Variants in ZSWIM8 observed in about 807,000 individuals in gnomAD.
ZSWIM8 encodes the protein zinc finger SWIM domain-containing protein 8.
Under a neutral mutation model 173.7 loss-of-function variants are expected in ZSWIM8, and 27 were observed. That is an observed-to-expected ratio of 0.16 (90% confidence interval 0.11 to 0.21). ZSWIM8 has a LOEUF of 0.21. ZSWIM8 is among the 10% of genes least tolerant of loss of function. The probability of loss-of-function intolerance (pLI) is 1.00; values close to 1 mark genes in which losing one functional copy is unlikely to be tolerated. For synonymous variants in ZSWIM8, 958 were observed against 962.0 expected, an observed-to-expected ratio of 1.00 and a Z score of 0.08; for missense variants, 1,627 against 2,428.8, an observed-to-expected ratio of 0.67 and a Z score of 6.94.
intron 15 of ZSWIM8, among the ~76,000 whole-genome samples, 184 bp downstream of exon 15, chr10:73,795,847 C>T (rs1370722858): frequency 6.6e-6 from 1 of 151,670 alleles, no homozygotes; most frequent in Admixed American, 6.6e-5. Context: ...CCTGTAGTCC[C>T]AGCTACTCGG....
intron 15 of ZSWIM8, chr10:73,796,190 A>T (rs2083645262): frequency 5.1e-6 from 1 of 197,742 alleles, no homozygotes; most frequent in Non-Finnish European, 1.1e-5. Flanking sequence ...CTCTACAAAA[A>T]ATTAGAAAAT....
rs2083422595 is a variant in ZSWIM8, at chr10:73,791,771, C to A, written c.1320-88C>A. ...AAGAAGTACTTTCCTGTATCCTTTC[C>A]CCATGCCTCTCTTTGGGGTGTACAC... On this transcript the variant is annotated intron_variant, in intron 9 of 25. Transcript: ENST00000604729. The surrounding 1 kb of genome is among the most constrained non-coding windows in gnomAD (Gnocchi z 6.0). The A allele has an allele frequency of 7.0e-7, 1 of 1,431,192 alleles. No individual in the cohort carries two copies. The highest frequency in any genetic ancestry group is 9.2e-7 in the Non-Finnish European group (1 of 1,083,338). 88.7% of individuals were successfully genotyped at this position (1,431,192 alleles called of 1,614,324 possible).
chr10:73,799,498 C>A lies in ZSWIM8; in HGVS notation c.4665+8C>A. 1 of 1,595,028 alleles carries A rather than the reference C, an allele frequency of 6.3e-7. No individual in the cohort carries two copies. Among genetic ancestry groups the A allele is most frequent in the Non-Finnish European group, 8.5e-7 (1 of 1,170,044 alleles). ...AGCTCTGCATACCCACAGGTGAGAC[C>A]AGTGTTCTGCTGGGGGGTAAGGCAT... On this transcript the variant is annotated splice_region_variant and intron_variant, in intron 21 of 25. Coordinates refer to ENST00000604729, the MANE Select transcript of ZSWIM8 (RefSeq NM_001367799.1).
In ZSWIM8 at chr10:73,800,803, C is replaced by A; in HGVS notation, c.5122+44C>A. Reference sequence around the variant, plus strand: ...AGGACCATTGCCCCCCCCCCACCTGCTCTCCCCACCTTCCTTATCCCAGAC... The same window carrying A: ...AGGACCATTGCCCCCCCCCCACCTGATCTCCCCACCTTCCTTATCCCAGAC... On this transcript the variant is annotated intron_variant, in intron 24 of 25. Transcript: ENST00000604729. The surrounding 1 kb of genome is among the most constrained non-coding windows in gnomAD (Gnocchi z 4.1). 1 of 1,353,412 alleles carries A rather than the reference C, an allele frequency of 7.4e-7. No individual in the cohort carries two copies. Among genetic ancestry groups the A allele is most frequent in the Non-Finnish European group, 1.0e-6 (1 of 973,460 alleles). The allele number at this position is 1,353,412 out of a possible 1,614,324, so 83.8% of individuals were successfully genotyped here. A position where few individuals can be genotyped will look rare whatever the true frequency, so the allele number is the denominator to read the frequency against.
rs370894359 is a variant in ZSWIM8, at chr10:73,800,485, C to T, written c.5002+13C>T. On this transcript the variant is annotated intron_variant, in intron 23 of 25. Transcript: ENST00000604729. The surrounding 1 kb of genome is among the most constrained non-coding windows in gnomAD (Gnocchi z 4.1). Reference sequence around the variant, plus strand: ...GCCTACCGTGTCGGTGAGAGGACATCCCTTTCTGTGCTCCTACCTGCAGTT... The same window carrying T: ...GCCTACCGTGTCGGTGAGAGGACATTCCTTTCTGTGCTCCTACCTGCAGTT... The T allele has an allele frequency of 6.2e-7, 1 of 1,613,028 alleles. No homozygotes were observed. Among genetic ancestry groups the T allele is most frequent in the South Asian group, 1.1e-5 (1 of 90,958 alleles).
Position 73,792,561 on chromosome 10 carries a change from C to T in ZSWIM8, c.2022C>T (p.Tyr674=). 1 of 1,613,990 alleles carries T rather than the reference C, an allele frequency of 6.2e-7. No homozygotes were observed. The highest frequency in any genetic ancestry group is 8.5e-7 in the Non-Finnish European group (1 of 1,179,886). Residue 674 remains tyrosine, a synonymous_variant, in exon 10 of 26, where the codon TAC becomes TAT. Coordinates refer to ENST00000604729, the MANE Select transcript of ZSWIM8 (RefSeq NM_001367799.1). This position sits in a 1 kb window ranked among gnomAD's most constrained non-coding sequence, Gnocchi z 4.3. ...PDTYEEDGGV[Y]FSEGPEPPTA... is the part of the protein sequence containing the mutation. ...CTTATGAAGAAGATGGTGGTGTGTA[C>T]TTCTCGGAAGGGCCTGAGCCTCCCA...
Position 73,792,489 on chromosome 10 carries a change from C to A in ZSWIM8, c.1950C>A (p.His650Gln), listed in dbSNP as rs370371569. 1.2e-6 allele frequency: 2 copies of A among 1,612,656 alleles called. No homozygotes were observed. Among genetic ancestry groups the A allele is most frequent in the Admixed American group, 1.7e-5 (1 of 59,780 alleles). The change falls in exon 10 of 26, where the codon CAC becomes CAA. Residue 650 changes from histidine (H) to glutamine (Q), a missense_variant. Physicochemically the swap from His to Gln is conservative, Grantham distance 24. Transcript: ENST00000604729. The surrounding 1 kb of genome is among the most constrained non-coding windows in gnomAD (Gnocchi z 4.3). ...FPESPPPCPL[H>Q]GGSRGPSTFL... The stretch of plus-strand genomic sequence containing the variant: ...AGAGCCCTCCACCCTGTCCTCTCCA[C>A]GGTGGCTCCCGAGGCCCTTCCACTT...
chr10:73,791,718 G>A lies in ZSWIM8; in HGVS notation c.1320-141G>A, dbSNP rs1217352996. The A allele has an allele frequency of 3.9e-6, 5 of 1,289,974 alleles. No homozygotes were observed. In the East Asian group the frequency reaches 1.3e-4, roughly 34 times the overall value. The allele number at this position is 1,289,974 out of a possible 1,614,324, so 79.9% of individuals were successfully genotyped here. ...CACCCACTTTTCAAAATTCTCCAGT[G>A]TTTCAGTGATGCTTATGGGGCTGGG... On this transcript the variant is annotated intron_variant, in intron 9 of 25. Coordinates refer to ENST00000604729, the MANE Select transcript of ZSWIM8 (RefSeq NM_001367799.1). The surrounding 1 kb of genome is among the most constrained non-coding windows in gnomAD (Gnocchi z 6.0).
rs149927357 is a variant in ZSWIM8, at chr10:73,789,539, C to T, written c.630C>T (p.Asn210=). The T allele has an allele frequency of 2.1e-4, 346 of 1,611,764 alleles. 1 individual carries two copies. In the Middle Eastern group the frequency reaches 4.2e-3, roughly 19 times the overall value. ...CACTCTGTCTCTTCCGCATCCACAA[C>T]GTGAGGCCCTCCCAATTTATCCCGG... is the stretch of plus-strand genomic sequence containing the variant. The part of the protein sequence containing the change: ...VVALCLFRIH[N]ASAVCLRAPV... Residue 210 remains asparagine, a splice_region_variant and synonymous_variant, in exon 4 of 26, where the codon AAC becomes AAT. Coordinates refer to ENST00000604729, the MANE Select transcript of ZSWIM8 (RefSeq NM_001367799.1). This position sits in a 1 kb window ranked among gnomAD's most constrained non-coding sequence, Gnocchi z 6.8.
At position 73,794,314 on chromosome 10, in the gene ZSWIM8, C is replaced by T. The variant is rs777112990; in HGVS notation, c.2793C>T (p.Asp931=). ...TCATGCTGGCCAGTTTCATCTTTGA[C>T]GTTCTCTGTGCTCCAGGTATGATGC... The part of the protein sequence containing the change: ...LPLMLASFIF[D]VLCAPVVSPT... Residue 931 remains aspartate, a synonymous_variant, in exon 13 of 26, where the codon GAC becomes GAT. Transcript: ENST00000604729. 23 of 1,613,714 alleles carry T rather than the reference C, an allele frequency of 1.4e-5. No homozygotes were observed. Among genetic ancestry groups the T allele is most frequent in the African/African-American group, 1.1e-4 (8 of 74,914 alleles).
In ZSWIM8 at chr10:73,792,084, G is replaced by A; in HGVS notation, c.1545G>A (p.Arg515=). The part of the protein sequence containing the change: ...ALCWARALPS[R]PGASRSGGLE... The stretch of plus-strand genomic sequence containing the variant: ...GCTGGGCCCGGGCCCTGCCCTCTCG[G>A]CCAGGTGCCTCCCGCTCTGGGGGCC... Residue 515 remains arginine (R), a synonymous_variant, in exon 10 of 26, where the codon CGG becomes CGA. Transcript: ENST00000604729. This position sits in a 1 kb window ranked among gnomAD's most constrained non-coding sequence, Gnocchi z 4.3. 6.5e-7 allele frequency: 1 copy of A among 1,533,056 alleles called. No homozygotes were observed. The highest frequency in any genetic ancestry group is 8.8e-7 in the Non-Finnish European group (1 of 1,133,818). The allele number at this position is 1,533,056 out of a possible 1,614,324, so 95.0% of individuals were successfully genotyped here.
chr10:73,792,033 C>A lies in ZSWIM8; in HGVS notation c.1494C>A (p.Ser498Arg). ...EAYPLPGVTYSGTDRKLALCW... is the reference protein window; with the variant it reads ...EAYPLPGVTYRGTDRKLALCW... ...ACCCACTTCCTGGTGTCACCTACAG[C>A]GGCACTGACAGGAAGCTGGCACTGT... The change falls in exon 10 of 26, where the codon AGC (serine) becomes AGA (arginine). Residue 498 changes from serine (S) to arginine (R), a missense_variant. Physicochemically the swap from Ser to Arg is moderately radical, Grantham distance 110. Around this residue, in one of 18 missense-constraint regions of ZSWIM8, gnomAD observed 383 missense variants for 394.8 expected, o/e 0.97. Coordinates refer to ENST00000604729, the MANE Select transcript of ZSWIM8 (RefSeq NM_001367799.1). The surrounding 1 kb of genome is among the most constrained non-coding windows in gnomAD (Gnocchi z 4.3). 1.3e-6 allele frequency: 2 copies of A among 1,548,334 alleles called. No homozygotes were observed. Among genetic ancestry groups the A allele is most frequent in the South Asian group, 1.2e-5 (1 of 83,996 alleles).
Position 73,795,617 on chromosome 10 carries a change from T to C in ZSWIM8, c.2987T>C (p.Leu996Ser), listed in dbSNP as rs770360152. 1 of 1,613,596 alleles carries C rather than the reference T, an allele frequency of 6.2e-7. No homozygotes were observed. The highest frequency in any genetic ancestry group is 8.5e-7 in the Non-Finnish European group (1 of 1,179,846). ...CGTCGGGAGAAGGGTGACCTGGCAT[T>C]AGCACTAATGATCACTTACAAGGAC... ...GTRREKGDLA[L>S]ALMITYKDDQ... is the part of the protein sequence containing the mutation. Residue 996 changes from leucine (L) to serine (S), a missense_variant, in exon 15 of 26, where the codon TTA becomes TCA. By Grantham distance (145) the Leu-to-Ser change is moderately radical. This residue lies in a region of ZSWIM8 where 4 missense variants were observed against 28.3 expected (regional missense o/e 0.14). Coordinates refer to ENST00000604729, the MANE Select transcript of ZSWIM8 (RefSeq NM_001367799.1).
At position 73,798,276 on chromosome 10, in the gene ZSWIM8, A is replaced by G. The variant is rs2083761091; in HGVS notation, c.3999A>G (p.Glu1333=). 1 of 1,614,064 alleles carries G rather than the reference A, an allele frequency of 6.2e-7. No homozygotes were observed. The highest frequency in any genetic ancestry group is 8.5e-7 in the Non-Finnish European group (1 of 1,179,902). ...GCGCAGCCCTGACTATACTGGTAGA[A>G]TGCTGGGATGGGCACCTGACACCCC... ...IGSAALTILV[E]CWDGHLTPPE... is the part of the protein sequence containing the mutation. The change falls in exon 20 of 26, where the codon GAA becomes GAG. Residue 1333 remains glutamate, a synonymous_variant. Transcript: ENST00000604729.
At chr10:73,786,181 C>T (rs867270843) in intron 1 of ZSWIM8, 95 bp downstream of exon 1, 9 of 1,306,650 alleles carry the variant, frequency 6.9e-6, no homozygotes, top group Non-Finnish European at 8.1e-6. Context: ...ACCAAGAGCT[C>T]TCTTCAACCA....
chr10:73,785,939 C>A lies in ZSWIM8; in HGVS notation c.61C>A (p.Arg21Ser). 6.4e-7 allele frequency: 1 copy of A among 1,557,574 alleles called. No homozygotes were observed. The highest frequency in any genetic ancestry group is 8.7e-7 in the Non-Finnish European group (1 of 1,150,786). The part of the protein sequence containing the change: ...GERFSFEDSD[R>S]FEEDSLCSFI... The stretch of plus-strand genomic sequence containing the variant: ...GCGCTTCTCATTCGAGGATTCGGAC[C>A]GTTTTGAGGAGGATTCACTCTGTTC... The change falls in exon 1 of 26, where the codon CGT becomes AGT. Residue 21 changes from arginine (R) to serine (S), a missense_variant. By Grantham distance (110) the Arg-to-Ser change is moderately radical. Transcript: ENST00000604729.
In ZSWIM8 at chr10:73,801,296, C is replaced by G. The variant is rs1226522312; in HGVS notation, c.5302-20C>G. The G allele has an allele frequency of 1.2e-6, 2 of 1,612,810 alleles. No individual in the cohort carries two copies. Among genetic ancestry groups the G allele is most frequent in the Non-Finnish European group, 1.7e-6 (2 of 1,179,156 alleles). Reference sequence around the variant, plus strand: ...TCTGTGCTTTGTACTAAGGCTCATCCTGCACACATCCTCCTCCAGTACATC... The same window carrying G: ...TCTGTGCTTTGTACTAAGGCTCATCGTGCACACATCCTCCTCCAGTACATC... On this transcript the variant is annotated intron_variant, in intron 25 of 25. Transcript: ENST00000604729. The surrounding 1 kb of genome is among the most constrained non-coding windows in gnomAD (Gnocchi z 4.9).
rs376383864 is a variant in ZSWIM8 at position 73,793,942 on chromosome 10, G to A, written c.2523G>A (p.Leu841=). The part of the protein sequence containing the change: ...TNTLSKAAFL[L]TVLSERPEHH... ...CCCTGAGCAAGGCGGCCTTCCTGTT[G>A]ACAGTGCTAAGTGAGCGTCCAGAGC... The change falls in exon 12 of 26, where the codon TTG becomes TTA. Residue 841 remains leucine, a synonymous_variant. Coordinates refer to ENST00000604729, the MANE Select transcript of ZSWIM8 (RefSeq NM_001367799.1). 8 of 1,613,518 alleles carry A rather than the reference G, an allele frequency of 5.0e-6. No individual in the cohort carries two copies. In the African/African-American group the frequency reaches 1.1e-4, roughly 22 times the overall value.
chr10:73,788,967 TCCC>T, intron 2 of ZSWIM8, 126 bp from the exon 3 acceptor site: 1 of 507,286 alleles, frequency 2.0e-6, no homozygotes, highest in Non-Finnish European at 3.2e-6. Flanking sequence ...TTCCACTCCC[TCCC>T]CCCCACCCCC....
Sources: gnomAD v4.1 joint callset for allele counts (sites outside exome capture counted in the v4.1 genomes callset) on GRCh38, gnomAD v4.1.1 for gene constraint, gnomAD v4.1.1 regional missense constraint, Gnocchi (gnomAD v3.1) non-coding constraint, MANE v1.5 for transcripts, NCBI Gene and HGNC (gene_info 2026-07-23, HGNC 2026-07-21) for gene names.